Variants in DSCAM observed in about 807,000 individuals in gnomAD.
DSCAM encodes cell adhesion molecule DSCAM.
A neutral mutation model predicts 217.7 loss-of-function variants in DSCAM; 47 were observed. The observed-to-expected ratio is 0.22, with a 90% CI of 0.17 to 0.28. DSCAM has a LOEUF of 0.28. DSCAM is among the 10% of genes least tolerant of loss of function. The probability of loss-of-function intolerance (pLI) is 1.00; values close to 1 mark genes in which losing one functional copy is unlikely to be tolerated. For synonymous variants in DSCAM, 1,056 were observed against 1,015.3 expected, an observed-to-expected ratio of 1.04 and a Z score of -0.76; for missense variants, 2,080 against 2,618.3, an observed-to-expected ratio of 0.79 and a Z score of 4.49.
intron 20 of DSCAM, among the ~76,000 whole-genome samples, chr21:40,094,977 A>G (rs527904845): frequency 6.6e-6 from 1 of 152,368 alleles, no homozygotes; most frequent in Non-Finnish European, 1.5e-5. Context: ...CAGCGATACC[A>G]TGGAGTCTGT....
At chr21:40,514,131 C>A (rs2076281423) in intron 3 of DSCAM, among the ~76,000 whole-genome samples, 1 of 152,144 alleles carries the variant, frequency 6.6e-6, no homozygotes, top group African/African-American at 2.4e-5. Context: ...AAAGCAACCT[C>A]CCAAAACAAT....
rs748567745 is a variant in DSCAM, at chr21:40,708,812, A to G, written c.44-41T>C. On this transcript the variant is annotated intron_variant, in intron 1 of 32. Transcript: ENST00000400454. ...ACAGGGATCCATAGGTGAGTAAAAC[A>G]TGCCTTTGACATTTGCAGTTCAATG... The G allele has an allele frequency of 3.7e-6, 5 of 1,365,510 alleles. No homozygotes were observed. The Admixed American group carries it at 1.1e-4, about 29-fold the overall frequency. The allele number at this position is 1,365,510 out of a possible 1,614,324, so 84.6% of individuals were successfully genotyped here. A position where few individuals can be genotyped will look rare whatever the true frequency, so the allele number is the denominator to read the frequency against.
intron 1 of DSCAM, among the ~76,000 whole-genome samples, chr21:40,785,889 T>C (rs1043309670): frequency 5.9e-5 from 9 of 152,240 alleles, no homozygotes; most frequent in African/African-American, 2.2e-4. Flanking sequence ...CATCATCATT[T>C]TCCATTGAGA....
intron 5 of DSCAM, among the ~76,000 whole-genome samples, chr21:40,350,178 G>T (rs1475707954): frequency 6.6e-6 from 1 of 152,018 alleles, no homozygotes; most frequent in Non-Finnish European, 1.5e-5. Context: ...TAAAACCATA[G>T]AAACGCTAGA....
chr21:40,532,840 G>A (rs2076458437), intron 3 of DSCAM, among the ~76,000 whole-genome samples: 2 of 151,986 alleles, frequency 1.3e-5, no homozygotes, highest in Admixed American at 6.6e-5. Flanking sequence ...CTTTGGCGGG[G>A]GTGGTGCTTC....
chr21:40,313,661 T>C (rs891466213), intron 8 of DSCAM, among the ~76,000 whole-genome samples: 1 of 152,194 alleles, frequency 6.6e-6, no homozygotes, highest in East Asian at 1.9e-4. Flanking sequence ...CTCAAAGATG[T>C]TACCTTGCCC....
At chr21:40,703,711 C>T (rs1248635124) in intron 2 of DSCAM, among the ~76,000 whole-genome samples, 2 of 152,190 alleles carry the variant, frequency 1.3e-5, no homozygotes, top group East Asian at 1.9e-4. Flanking sequence ...TTTTTCTTCA[C>T]GTGTCTTGAG....
At chr21:40,387,153 C>T (rs2075093676) in intron 3 of DSCAM, among the ~76,000 whole-genome samples, 1 of 152,138 alleles carries the variant, frequency 6.6e-6, no homozygotes, top group Non-Finnish European at 1.5e-5. Context: ...GTAAGGAAAG[C>T]CCTCTGGGCT....
chr21:40,635,933 T>C (rs927166437), intron 3 of DSCAM, among the ~76,000 whole-genome samples: 1 of 152,128 alleles, frequency 6.6e-6, no homozygotes, highest in Admixed American at 6.5e-5. Flanking sequence ...TTAAGGCATT[T>C]TAAAAAACTA....
At chr21:40,813,732 C>T (rs373707395) in intron 1 of DSCAM, among the ~76,000 whole-genome samples, 29 of 150,798 alleles carry the variant, frequency 1.9e-4, no homozygotes, top group Middle Eastern at 3.4e-3. Context: ...ACTGCAACCT[C>T]TGCCTCCCCA....
intron 16 of DSCAM, among the ~76,000 whole-genome samples, chr21:40,159,176 T>G (rs894506001): frequency 6.6e-6 from 1 of 152,202 alleles, no homozygotes; most frequent in Non-Finnish European, 1.5e-5. Flanking sequence ...TTCCCTTGCC[T>G]TAGGAGAGGG....
intron 3 of DSCAM, among the ~76,000 whole-genome samples, chr21:40,578,894 T>C (rs1260589115): frequency 1.3e-5 from 2 of 152,174 alleles, no homozygotes; most frequent in Non-Finnish European, 2.9e-5. Flanking sequence ...GTGTCAGGAA[T>C]TTAATTTTCA....
chr21:40,672,947 C>T (rs1361331357), intron 3 of DSCAM, among the ~76,000 whole-genome samples: 1 of 152,194 alleles, frequency 6.6e-6, no homozygotes, highest in Non-Finnish European at 1.5e-5. Flanking sequence ...CTCTCCCCCG[C>T]ACTTTTCTCC....
chr21:40,526,346 G>A (rs1366627987), intron 3 of DSCAM, among the ~76,000 whole-genome samples: 1 of 152,142 alleles, frequency 6.6e-6, no homozygotes, highest in Non-Finnish European at 1.5e-5. Context: ...CTTACCACAA[G>A]GCCAAGCCTT....
intron 1 of DSCAM, among the ~76,000 whole-genome samples, chr21:40,797,667 G>A (rs901189360): frequency 2.0e-5 from 3 of 151,928 alleles, no homozygotes; most frequent in Non-Finnish European, 4.4e-5. Context: ...TTATTTCGGA[G>A]TGCAGCCCTA....
At chr21:40,783,459 G>A (rs574706037) in intron 1 of DSCAM, among the ~76,000 whole-genome samples, 2 of 152,296 alleles carry the variant, frequency 1.3e-5, no homozygotes, top group East Asian at 3.9e-4. Context: ...GTGTGTGTGT[G>A]TGCATGCATA....
intron 3 of DSCAM, among the ~76,000 whole-genome samples, chr21:40,405,074 A>G (rs1054922404): frequency 2.0e-5 from 3 of 152,228 alleles, no homozygotes; most frequent in Non-Finnish European, 2.9e-5. Flanking sequence ...GCCATGAAGT[A>G]TGGGAGATGC....
chr21:40,514,490 C>T (rs940675587), intron 3 of DSCAM, among the ~76,000 whole-genome samples: 1 of 151,932 alleles, frequency 6.6e-6, no homozygotes, highest in African/African-American at 2.4e-5. Context: ...AAAATAAACC[C>T]TGTATTTTTG....
At chr21:40,482,978 T>C (rs1376390936) in intron 3 of DSCAM, among the ~76,000 whole-genome samples, 1 of 152,190 alleles carries the variant, frequency 6.6e-6, no homozygotes, top group Non-Finnish European at 1.5e-5. Context: ...TGTGGTGCTG[T>C]GGATGTAATT....
Sources: allele counts gnomAD v4.1 joint callset (sites outside exome capture counted in the v4.1 genomes callset), GRCh38; gene constraint gnomAD v4.1.1; transcripts MANE v1.5; gene names NCBI Gene and HGNC (gene_info 2026-07-23, HGNC 2026-07-21).